PLAGL1: variants seen among roughly 807,000 people sequenced by gnomAD.
PLAGL1 encodes the protein PLAG1 like zinc finger 1.
PLAGL1 carries 1 observed loss-of-function variant against 4.6 expected under a neutral mutation model. The observed-to-expected ratio is 0.22, with a 90% CI of 0.08 to 1.03. PLAGL1 has a LOEUF of 1.03. PLAGL1 is among the 50% of genes least tolerant of loss of function. The pLI, the probability that PLAGL1 is intolerant of heterozygous loss-of-function variation, is 0.58. For synonymous variants in PLAGL1, 240 were observed against 237.8 expected (o/e 1.01, Z -0.08); for missense variants, 464 against 570.4 (o/e 0.81, Z 1.90).
chr6:144,004,043 C>A lies in PLAGL1; in HGVS notation c.-584+4047G>T, dbSNP rs765498785. On this transcript the variant is annotated intron_variant, in intron 1 of 7. Transcript: ENST00000674357. This position sits in a 1 kb window ranked among gnomAD's most constrained non-coding sequence, Gnocchi z 4.2. Reference sequence around the variant, plus strand: ...GTAAATTGCTCATATTATATATCCACATAATGTAATACCGTAGAAGAGGTG... The same window carrying A: ...GTAAATTGCTCATATTATATATCCAAATAATGTAATACCGTAGAAGAGGTG... Among the ~76,000 whole-genome samples the A allele has an allele frequency of 3.3e-4, 50 of 152,320 alleles. No homozygotes were observed. Among genetic ancestry groups the A allele is most frequent in the Non-Finnish European group, 6.2e-4 (42 of 68,034 alleles).
At chr6:143,976,905 CCTGT>C (rs758825442) in intron 2 of PLAGL1, among the ~76,000 whole-genome samples, 55 of 152,292 alleles carry the variant, frequency 3.6e-4, no homozygotes, top group Non-Finnish European at 5.9e-4. Context: ...GCTACAAATT[CCTGT>C]CTAAGCATTG....
In PLAGL1 at chr6:143,984,647, T is replaced by C. The variant is rs1256627930; in HGVS notation, c.-544+488A>G. 2.0e-5 allele frequency among the ~76,000 whole-genome samples: 3 copies of C among 152,140 alleles called. No individual in the cohort carries two copies. Among genetic ancestry groups the C allele is most frequent in the African/African-American group, 7.2e-5 (3 of 41,436 alleles). On this transcript the variant is annotated intron_variant, in intron 2 of 7. Coordinates refer to ENST00000674357, the MANE Select transcript of PLAGL1 (RefSeq NM_001317162.2). The surrounding 1 kb of genome is among the most constrained non-coding windows in gnomAD (Gnocchi z 5.5). ...TCCTTGTTAAGTTACTTTGTAACAA[T>C]ATTCTCCTCTCCTGCTAAGATGATG... is the stretch of plus-strand genomic sequence containing the variant.
intron 1 of PLAGL1, among the ~76,000 whole-genome samples, chr6:144,047,927 G>C (rs1231151534): frequency 6.6e-6 from 1 of 152,014 alleles, no homozygotes; most frequent in Non-Finnish European, 1.5e-5. Context: ...TTCCTCCTAA[G>C]AGCCTGTAAA....
chr6:144,046,309 C>T (rs1051895653), intron 1 of PLAGL1, among the ~76,000 whole-genome samples: 2 of 152,200 alleles, frequency 1.3e-5, no homozygotes, highest in Non-Finnish European at 2.9e-5. Context: ...GGTTTCTCCC[C>T]ATCTTTGTGG....
chr6:144,044,795 T>C (rs901054496), intron 1 of PLAGL1, among the ~76,000 whole-genome samples: 1 of 152,190 alleles, frequency 6.6e-6, no homozygotes, highest in Admixed American at 6.5e-5. Context: ...ATCATTATTG[T>C]GTGGGAGTCT....
At position 143,986,362 on chromosome 6, in the gene PLAGL1, G is replaced by C. The variant is rs571536760; in HGVS notation, c.-583-1188C>G. Among the ~76,000 whole-genome samples the C allele has an allele frequency of 3.3e-5, 5 of 152,194 alleles. No homozygotes were observed. In the East Asian group the frequency reaches 9.7e-4, roughly 29 times the overall value. Reference sequence around the variant, plus strand: ...TTCAAGCATGAAATCATAGGAAATTGCCAAAAACAAAGGTTGGGACATGCA... The same window carrying C: ...TTCAAGCATGAAATCATAGGAAATTCCCAAAAACAAAGGTTGGGACATGCA... On this transcript the variant is annotated intron_variant, in intron 1 of 7. Transcript: ENST00000674357.
At position 143,960,153 on chromosome 6, in the gene PLAGL1, G is replaced by C. The variant is rs1240568162; in HGVS notation, c.-325+316C>G. Among the ~76,000 whole-genome samples the C allele has an allele frequency of 1.3e-5, 2 of 152,184 alleles. No individual in the cohort carries two copies. The highest frequency in any genetic ancestry group is 2.9e-5 in the Non-Finnish European group (2 of 68,034). On this transcript the variant is annotated intron_variant, in intron 6 of 7. Transcript: ENST00000674357. This position sits in a 1 kb window ranked among gnomAD's most constrained non-coding sequence, Gnocchi z 5.7. ...AGGGGCAGCTTTCTTCTTTTGAACTGACAGGGTTGTCAGCAGAAAATTCCA... is the reference window on the plus strand; with the variant it reads ...AGGGGCAGCTTTCTTCTTTTGAACTCACAGGGTTGTCAGCAGAAAATTCCA...
At position 143,958,546 on chromosome 6, in the gene PLAGL1, G is replaced by A. The variant is rs997251688; in HGVS notation, c.-325+1923C>T. Reference sequence around the variant, plus strand: ...CTGTCTGCCTCTCGGGACACAGGCCGTACTTTATTAGACACAATTATTTCA... The same window carrying A: ...CTGTCTGCCTCTCGGGACACAGGCCATACTTTATTAGACACAATTATTTCA... On this transcript the variant is annotated intron_variant, in intron 6 of 7. Coordinates refer to ENST00000674357, the MANE Select transcript of PLAGL1 (RefSeq NM_001317162.2). This position sits in a 1 kb window ranked among gnomAD's most constrained non-coding sequence, Gnocchi z 5.1. 2.4e-4 allele frequency among the ~76,000 whole-genome samples: 37 copies of A among 152,110 alleles called. No individual in the cohort carries two copies. The highest frequency in any genetic ancestry group is 8.2e-4 in the African/African-American group (34 of 41,420).
At chr6:144,030,536 C>A (rs1325379056) in intron 1 of PLAGL1, among the ~76,000 whole-genome samples, 2 of 152,148 alleles carry the variant, frequency 1.3e-5, no homozygotes, top group Non-Finnish European at 2.9e-5. Flanking sequence ...TCCAATGTAT[C>A]ATTCTTAAGC....
rs978523855 is a variant in PLAGL1, at chr6:144,006,870, A to T, written c.-584+1220T>A. On this transcript the variant is annotated intron_variant, in intron 1 of 7. Transcript: ENST00000674357. The surrounding 1 kb of genome is among the most constrained non-coding windows in gnomAD (Gnocchi z 4.3). ...TGACACACATTTGTGTATGTATGAA[A>T]CTGAGGAGGGGGAGAGAGATTCATA... 3 of 152,164 alleles carry T rather than the reference A, an allele frequency of 2.0e-5. No individual in the cohort carries two copies. The highest frequency in any genetic ancestry group is 7.2e-5 in the African/African-American group (3 of 41,432). 9.4% of individuals were successfully genotyped at this position (152,164 alleles called of 1,614,324 possible).
At chr6:144,001,704 A>G (rs1489948450) in intron 1 of PLAGL1, among the ~76,000 whole-genome samples, 2 of 152,192 alleles carry the variant, frequency 1.3e-5, no homozygotes, top group Non-Finnish European at 2.9e-5. Flanking sequence ...CCATCTTGCC[A>G]TGTGATCAAA....
rs1797073150 is a variant in PLAGL1 at position 144,034,533 on chromosome 6, A to G, written c.-151+29935T>C. 6.6e-6 allele frequency among the ~76,000 whole-genome samples: 1 copy of G among 152,224 alleles called. No individual in the cohort carries two copies. The highest frequency in any genetic ancestry group is 6.5e-5 in the Admixed American group (1 of 15,290). On this transcript the variant is annotated intron_variant, in intron 1 of 3. Coordinates refer to the PLAGL1 transcript ENST00000437412. The surrounding 1 kb of genome is among the most constrained non-coding windows in gnomAD (Gnocchi z 4.7). ...CCTCCTCTCATTCAGGGGGTTCAAT[A>G]AATCATCTGCCAGAAAGGAAGTGTG...
At position 144,063,122 on chromosome 6, in the gene PLAGL1, A is replaced by G. The variant is rs1799554483; in HGVS notation, c.-151+1346T>C. On this transcript the variant is annotated intron_variant, in intron 1 of 3. Coordinates refer to the PLAGL1 transcript ENST00000437412. The surrounding 1 kb of genome is among the most constrained non-coding windows in gnomAD (Gnocchi z 5.7). ...CTTCCCGTGGCAAGGGTATCCTGCCACACTCCTCTCACTCAGCCCAAAGAT... is the reference window on the plus strand; with the variant it reads ...CTTCCCGTGGCAAGGGTATCCTGCCGCACTCCTCTCACTCAGCCCAAAGAT... 1.3e-5 allele frequency among the ~76,000 whole-genome samples: 2 copies of G among 152,162 alleles called. No homozygotes were observed. Among genetic ancestry groups the G allele is most frequent in the Non-Finnish European group, 2.9e-5 (2 of 68,024 alleles).
At chr6:143,998,844 C>T (rs146146036) in intron 1 of PLAGL1, among the ~76,000 whole-genome samples, 1 of 152,164 alleles carries the variant, frequency 6.6e-6, no homozygotes, top group Non-Finnish European at 1.5e-5. Flanking sequence ...AGAGTGAAAC[C>T]TTTAGGGGCT....
Position 143,941,334 on chromosome 6 carries a change from G to GT in PLAGL1, c.*89dup, listed in dbSNP as rs563450219. The GT allele has an allele frequency of 4.4e-5, 46 of 1,051,836 alleles. No homozygotes were observed. In the East Asian group the frequency reaches 9.8e-4, roughly 22 times the overall value. 65.2% of individuals were successfully genotyped at this position (1,051,836 alleles called of 1,614,324 possible). A position where few individuals can be genotyped will look rare whatever the true frequency, so the allele number is the denominator to read the frequency against. On this transcript the variant is annotated 3_prime_UTR_variant, in exon 8 of 8. Transcript: ENST00000674357. This position sits in a 1 kb window ranked among gnomAD's most constrained non-coding sequence, Gnocchi z 6.0. ...CTGAATAAGCCATAGTCCCAGTCTC[G>GT]TTTTCCAAATCTTTCTCATATTGTA...
rs368381907 is a variant in PLAGL1 at position 143,970,197 on chromosome 6, A to G, written c.-543-1219T>C. Among the ~76,000 whole-genome samples, 1 of 152,230 alleles carries G rather than the reference A, an allele frequency of 6.6e-6. No individual in the cohort carries two copies. The highest frequency in any genetic ancestry group is 2.4e-5 in the African/African-American group (1 of 41,468). ...TATGTGTTTTTAAAATAACGAAACC[A>G]TATCAATTTGAATCTTACTAATGCA... On this transcript the variant is annotated intron_variant, in intron 2 of 7. Transcript: ENST00000674357. This position sits in a 1 kb window ranked among gnomAD's most constrained non-coding sequence, Gnocchi z 5.8.
rs1298554115 is a variant in PLAGL1, at chr6:144,064,364, G to GC, written c.-151+103dup. The GC allele has an allele frequency of 6.6e-6, 1 of 151,928 alleles. No individual in the cohort carries two copies. Among genetic ancestry groups the GC allele is most frequent in the Admixed American group, 6.5e-5 (1 of 15,270 alleles). The allele number at this position is 151,928 out of a possible 1,614,324, so 9.4% of individuals were successfully genotyped here. The stretch of plus-strand genomic sequence containing the variant: ...GTGGGCACCTGCGGCACGGGTTGGA[G>GC]CCCCCGCCCCACGCGCCCACCTTAA... On this transcript the variant is annotated intron_variant, in intron 1 of 3. Coordinates refer to the PLAGL1 transcript ENST00000437412. The surrounding 1 kb of genome is among the most constrained non-coding windows in gnomAD (Gnocchi z 6.8).
At chr6:144,014,924 G>A (rs1175997703) in intron 1 of PLAGL1, among the ~76,000 whole-genome samples, 2 of 152,106 alleles carry the variant, frequency 1.3e-5, no homozygotes, top group Non-Finnish European at 2.9e-5. Flanking sequence ...AATTCCATTG[G>A]AAAGAGATAA....
At chr6:144,031,501 T>C (rs969648942) in intron 1 of PLAGL1, among the ~76,000 whole-genome samples, 15 of 152,256 alleles carry the variant, frequency 9.9e-5, no homozygotes, top group African/African-American at 3.4e-4. Flanking sequence ...TTTAAGTCTT[T>C]GATCCATCTT....
Sources: gnomAD v4.1 joint callset for allele counts (sites outside exome capture counted in the v4.1 genomes callset) on GRCh38, gnomAD v4.1.1 for gene constraint, Gnocchi (gnomAD v3.1) non-coding constraint, MANE v1.5 for transcripts, NCBI Gene and HGNC (gene_info 2026-07-23, HGNC 2026-07-21) for gene names.